Variants in SORCS2 observed in about 807,000 individuals in gnomAD.
SORCS2 encodes the protein sortilin related VPS10 domain containing receptor 2.
A neutral mutation model predicts 141.6 loss-of-function variants in SORCS2; 100 were observed. The observed-to-expected ratio is 0.71, with a 90% CI of 0.60 to 0.83. The LOEUF is 0.83. Among genes scored for constraint, SORCS2 ranks in the 40% least tolerant of loss-of-function variants. The pLI, the probability that SORCS2 is intolerant of heterozygous loss-of-function variation, is 0.00. For missense variants in SORCS2, 1,646 were observed against 1,560.2 expected (o/e 1.05, Z -0.93); for synonymous variants, 789 against 676.9 (o/e 1.17, Z -2.57).
intron 2 of SORCS2, among the ~76,000 whole-genome samples, chr4:7,480,158 C>T (rs1317263093): frequency 1.3e-5 from 2 of 152,136 alleles, no homozygotes; most frequent in Non-Finnish European, 2.9e-5. Context: ...TCACAGGGGT[C>T]TGAAGTGTGG....
intron 1 of SORCS2, among the ~76,000 whole-genome samples, chr4:7,299,061 G>A (rs1339102434): frequency 6.6e-6 from 1 of 152,266 alleles, no homozygotes; most frequent in Admixed American, 6.5e-5. Context: ...GGGTCCCCCA[G>A]CTCCCCCAGC....
At chr4:7,274,922 G>A (rs1347036522) in intron 1 of SORCS2, among the ~76,000 whole-genome samples, 1 of 152,176 alleles carries the variant, frequency 6.6e-6, no homozygotes, top group Non-Finnish European at 1.5e-5. Context: ...CAGCGCCCAT[G>A]TCTCCAATGT....
At chr4:7,501,765 A>G (rs555602789) in intron 2 of SORCS2, among the ~76,000 whole-genome samples, 2 of 152,342 alleles carry the variant, frequency 1.3e-5, no homozygotes, top group Admixed American at 6.5e-5. Flanking sequence ...TGTCTCGACC[A>G]GGGAAATCTT....
intron 3 of SORCS2, among the ~76,000 whole-genome samples, chr4:7,589,025 T>G (rs1408126004): frequency 1.3e-5 from 2 of 152,160 alleles, no homozygotes; most frequent in Non-Finnish European, 2.9e-5. Flanking sequence ...CACAGCAGAC[T>G]GAGAGAGCCC....
intron 3 of SORCS2, among the ~76,000 whole-genome samples, chr4:7,535,045 C>T (rs1712002192): frequency 6.6e-6 from 1 of 152,218 alleles, no homozygotes; most frequent in Non-Finnish European, 1.5e-5. Flanking sequence ...CTCCTGCTGA[C>T]ACACCGATCC....
intron 2 of SORCS2, among the ~76,000 whole-genome samples, chr4:7,410,357 G>C (rs1725224084): frequency 6.6e-6 from 1 of 152,218 alleles, no homozygotes; most frequent in Non-Finnish European, 1.5e-5. Context: ...ACTGTAAGGG[G>C]AACTCTACCC....
chr4:7,638,529 G>A, intron 4 of SORCS2, 37 bp downstream of exon 4: 1 of 1,578,236 alleles, frequency 6.3e-7, no homozygotes, highest in Non-Finnish European at 8.6e-7. Context: ...GGTCTGTGGG[G>A]CTGGGGTCTG....
At chr4:7,500,848 G>A (rs775263020) in intron 2 of SORCS2, among the ~76,000 whole-genome samples, 17 of 152,272 alleles carry the variant, frequency 1.1e-4, no homozygotes, top group Middle Eastern at 3.4e-3. Flanking sequence ...CTCTCACCTC[G>A]ATGCTGGGAG....
intron 2 of SORCS2, among the ~76,000 whole-genome samples, chr4:7,448,695 T>TGCCTTCCTCTCC (rs1728176385): frequency 7.4e-6 from 1 of 134,436 alleles, no homozygotes; most frequent in Non-Finnish European, 1.6e-5. Flanking sequence ...CCTTCCTCTC[T>TGCCTTCCTCTCC]CTGCCTTCCT....
At chr4:7,526,974 A>G (rs1162929884) in intron 2 of SORCS2, among the ~76,000 whole-genome samples, 1 of 152,238 alleles carries the variant, frequency 6.6e-6, no homozygotes, top group Non-Finnish European at 1.5e-5. Context: ...CTTTGAAATC[A>G]GTGTATATTT....
At chr4:7,640,558 G>A (rs1156404075) in intron 4 of SORCS2, among the ~76,000 whole-genome samples, 1 of 151,620 alleles carries the variant, frequency 6.6e-6, no homozygotes, top group East Asian at 1.9e-4. Flanking sequence ...CTCCCTCTGC[G>A]CCTGCTTTCT....
intron 2 of SORCS2, among the ~76,000 whole-genome samples, chr4:7,409,498 C>G (rs1423882318): frequency 6.6e-6 from 1 of 152,206 alleles, no homozygotes; most frequent in Non-Finnish European, 1.5e-5. Flanking sequence ...AGTCCTTCCT[C>G]CCTTGTCTCT....
At chr4:7,739,680 G>A (rs1249491942) in intron 26 of SORCS2, among the ~76,000 whole-genome samples, 2 of 152,246 alleles carry the variant, frequency 1.3e-5, no homozygotes, top group African/African-American at 2.4e-5. Context: ...CGTGTCTCCC[G>A]GTGCCCTTGA....
chr4:7,224,960 A>G (rs139889805), intron 1 of SORCS2, among the ~76,000 whole-genome samples: 1 of 152,338 alleles, frequency 6.6e-6, no homozygotes, highest in Non-Finnish European at 1.5e-5. Context: ...TCTTCTCTCT[A>G]CCTCATGGAG....
At chr4:7,557,483 C>T (rs766765947) in intron 3 of SORCS2, among the ~76,000 whole-genome samples, 6 of 152,296 alleles carry the variant, frequency 3.9e-5, no homozygotes, top group Non-Finnish European at 7.4e-5. Context: ...GTCCTAGCCA[C>T]GCAAGGATTC....
rs1379250922 is a variant in SORCS2, at chr4:7,740,245, A to G, written c.3461A>G (p.His1154Arg). The change falls in exon 27 of 27, where the codon CAC becomes CGC. Residue 1154 changes from histidine (H) to arginine (R), a missense_variant. By Grantham distance (29) the His-to-Arg change is conservative. Transcript: ENST00000507866. Reference protein sequence around the residue: ...VVLSINSREMHSYLVS With the variant: ...VVLSINSREMRSYLVS ...CTGAGCATCAACTCCCGAGAGATGC[A>G]CAGCTACCTGGTGAGCTGATGCCAC... 1 of 1,610,044 alleles carries G rather than the reference A, an allele frequency of 6.2e-7. No homozygotes were observed. Among genetic ancestry groups the G allele is most frequent in the South Asian group, 1.1e-5 (1 of 90,888 alleles).
chr4:7,556,748 A>G (rs1367090463), intron 3 of SORCS2, among the ~76,000 whole-genome samples: 1 of 145,666 alleles, frequency 6.9e-6, no homozygotes, highest in Admixed American at 6.8e-5. Context: ...GTGTCCACCC[A>G]TCTACCTACC....
chr4:7,192,928 G>A lies in SORCS2; in HGVS notation c.282G>A (p.Pro94=). 2 of 1,254,626 alleles carry A rather than the reference G, an allele frequency of 1.6e-6. No homozygotes were observed. Among genetic ancestry groups the A allele is most frequent in the African/African-American group, 1.6e-5 (1 of 63,468 alleles). 77.7% of individuals were successfully genotyped at this position (1,254,626 alleles called of 1,614,324 possible). A position where few individuals can be genotyped will look rare whatever the true frequency, so the allele number is the denominator to read the frequency against. Residue 94 remains proline (P), a synonymous_variant, in exon 1 of 27, where the codon CCG becomes CCA. Coordinates refer to ENST00000507866, the MANE Select transcript of SORCS2 (RefSeq NM_020777.3). This position sits in a 1 kb window ranked among gnomAD's most constrained non-coding sequence, Gnocchi z 4.0. The part of the protein sequence containing the change: ...RQARGTEPGA[P]GPSPGPAPGP... Reference sequence around the variant, plus strand: ...CGCGCGGCACGGAGCCAGGCGCCCCGGGTCCGAGTCCCGGTCCCGCTCCTG... The same window carrying A: ...CGCGCGGCACGGAGCCAGGCGCCCCAGGTCCGAGTCCCGGTCCCGCTCCTG...
chr4:7,475,549 C>A (rs73212553), intron 2 of SORCS2, among the ~76,000 whole-genome samples: 2 of 152,114 alleles, frequency 1.3e-5, no homozygotes, highest in Non-Finnish European at 2.9e-5. Context: ...CAGCTGCCCC[C>A]CTCCTGCCAC....
Sources: gnomAD v4.1 joint callset for allele counts (sites outside exome capture counted in the v4.1 genomes callset) on GRCh38, gnomAD v4.1.1 for gene constraint, Gnocchi (gnomAD v3.1) non-coding constraint, MANE v1.5 for transcripts, NCBI Gene and HGNC (gene_info 2026-07-23, HGNC 2026-07-21) for gene names.